The following GRIN3A variants were observed in gnomAD, a reference collection of about 807,000 sequenced individuals.
GRIN3A encodes glutamate ionotropic receptor NMDA type subunit 3A.
In GRIN3A, 47 loss-of-function variants were observed where a neutral mutation model predicts 92.4. The ratio of observed to expected loss-of-function variants is 0.51; its 90% confidence interval spans 0.40 to 0.65. The LOEUF (loss-of-function observed/expected upper bound fraction) is 0.65. Ranked by LOEUF, GRIN3A falls within the 30% of genes least tolerant of loss-of-function variation. The pLI is 0.00. For missense variants in GRIN3A, 1,324 were observed against 1,393.1 expected, an observed-to-expected ratio of 0.95 and a Z score of 0.79; for synonymous variants, 527 against 540.6, an observed-to-expected ratio of 0.97 and a Z score of 0.35.
chr9:101,690,195 G>T (rs1291062327), intron 1 of GRIN3A, among the ~76,000 whole-genome samples: 1 of 151,654 alleles, frequency 6.6e-6, no homozygotes, highest in Non-Finnish European at 1.5e-5. Flanking sequence ...TTATATTATG[G>T]TATATTATTT....
At chr9:101,680,022 G>A (rs1377704681) in intron 2 of GRIN3A, among the ~76,000 whole-genome samples, 10 of 152,208 alleles carry the variant, frequency 6.6e-5, no homozygotes. Flanking sequence ...AATTCTGAAA[G>A]AGCCTGGAAT....
chr9:101,605,764 T>C (rs1214435460), intron 6 of GRIN3A, among the ~76,000 whole-genome samples: 1 of 152,200 alleles, frequency 6.6e-6, no homozygotes, highest in Non-Finnish European at 1.5e-5. Context: ...TTGGACTGTT[T>C]CAAAATATGC....
rs193037310 is a variant in GRIN3A at position 101,607,730 on chromosome 9, T to A, written c.2766+5646A>T. On this transcript the variant is annotated intron_variant, in intron 6 of 8. Transcript: ENST00000361820. ...TGTCTGATTTCAAAGCTAATCCTGG[T>A]TCCCCACACTAACAGAGCCCGGCAG... is the stretch of plus-strand genomic sequence containing the variant. Among the ~76,000 whole-genome samples the A allele has an allele frequency of 6.2e-4, 94 of 152,342 alleles. No individual in the cohort carries two copies. In the East Asian group the frequency reaches 0.017, roughly 28 times the overall value.
At chr9:101,656,897 C>CT (rs979957090) in intron 3 of GRIN3A, among the ~76,000 whole-genome samples, 1 of 151,740 alleles carries the variant, frequency 6.6e-6, no homozygotes, top group African/African-American at 2.4e-5. Flanking sequence ...TGCCAGTTGC[C>CT]TTTTTTTCTG....
At chr9:101,705,310 C>T (rs1191772673) in intron 1 of GRIN3A, among the ~76,000 whole-genome samples, 2 of 152,054 alleles carry the variant, frequency 1.3e-5, no homozygotes, top group Non-Finnish European at 2.9e-5. Flanking sequence ...AGTAGGGCAG[C>T]GCCGCAGAGA....
chr9:101,682,906 A>T (rs377495765), intron 2 of GRIN3A, among the ~76,000 whole-genome samples: 2 of 152,162 alleles, frequency 1.3e-5, no homozygotes, highest in Non-Finnish European at 2.9e-5. Flanking sequence ...GGCGTGAACC[A>T]GGGAGGCGGA....
At chr9:101,619,814 C>A (rs1312393221) in intron 5 of GRIN3A, among the ~76,000 whole-genome samples, 3 of 152,204 alleles carry the variant, frequency 2.0e-5, no homozygotes, top group Non-Finnish European at 4.4e-5. Context: ...CAGCTAACTC[C>A]AATGCACAAA....
intron 6 of GRIN3A, among the ~76,000 whole-genome samples, chr9:101,580,060 G>A (rs1339922450): frequency 1.3e-5 from 2 of 152,152 alleles, no homozygotes; most frequent in Non-Finnish European, 1.5e-5. Context: ...CATGGGCCCA[G>A]GAAGAGGCAT....
intron 3 of GRIN3A, among the ~76,000 whole-genome samples, chr9:101,652,755 G>A (rs576692103): frequency 6.6e-6 from 1 of 152,078 alleles, no homozygotes; most frequent in East Asian, 1.9e-4. Flanking sequence ...TCTTTTATGA[G>A]GCTTGCTTTT....
At chr9:101,707,937 C>T (rs1350135027) in intron 1 of GRIN3A, among the ~76,000 whole-genome samples, 4 of 151,960 alleles carry the variant, frequency 2.6e-5, no homozygotes, top group African/African-American at 7.3e-5. Context: ...AGTTCTTTGG[C>T]GAGGCTTTCC....
intron 3 of GRIN3A, among the ~76,000 whole-genome samples, chr9:101,653,666 T>C (rs1393775621): frequency 1.3e-5 from 2 of 151,900 alleles, no homozygotes; most frequent in African/African-American, 4.8e-5. Context: ...TTTAGAACTT[T>C]AGGCACATAT....
At chr9:101,596,112 C>T (rs1483486460) in intron 6 of GRIN3A, among the ~76,000 whole-genome samples, 2 of 152,194 alleles carry the variant, frequency 1.3e-5, no homozygotes, top group Non-Finnish European at 2.9e-5. Context: ...GATGCAAACA[C>T]TCCTTCGCTT....
In GRIN3A at chr9:101,738,355, T is replaced by G; in HGVS notation, c.-376A>C. The G allele has an allele frequency of 3.5e-6, 1 of 286,978 alleles. No individual in the cohort carries two copies. The highest frequency in any genetic ancestry group is 6.5e-6 in the Non-Finnish European group (1 of 153,072). 17.8% of individuals were successfully genotyped at this position (286,978 alleles called of 1,614,324 possible). A position where few individuals can be genotyped will look rare whatever the true frequency, so the allele number is the denominator to read the frequency against. ...GGCCGGGATGAGAAGCAGCCGGAGT[T>G]CCTCGGGGGCAGCAGTGACAGAGGA... On this transcript the variant is annotated 5_prime_UTR_variant, in exon 1 of 9. Coordinates refer to ENST00000361820, the MANE Select transcript of GRIN3A (RefSeq NM_133445.3).
intron 6 of GRIN3A, among the ~76,000 whole-genome samples, chr9:101,590,840 GTCT>G (rs930115721): frequency 4.7e-4 from 72 of 152,178 alleles, no homozygotes; most frequent in African/African-American, 1.6e-3. Context: ...ATAAAAAATT[GTCT>G]TCATTTAAAA....
chr9:101,622,691 A>G (rs1171972137), intron 5 of GRIN3A, among the ~76,000 whole-genome samples: 2 of 152,148 alleles, frequency 1.3e-5, no homozygotes, highest in Non-Finnish European at 2.9e-5. Flanking sequence ...TACTTATTTA[A>G]GAACCAGGAG....
chr9:101,658,760 G>GTCTGTCTA (rs540493017), intron 3 of GRIN3A, among the ~76,000 whole-genome samples: 1 of 151,336 alleles, frequency 6.6e-6, no homozygotes, highest in African/African-American at 2.4e-5. Flanking sequence ...CTGTCTATCT[G>GTCTGTCTA]TCTATCTATC....
chr9:101,638,893 T>C (rs1828817602), intron 3 of GRIN3A, among the ~76,000 whole-genome samples: 1 of 152,226 alleles, frequency 6.6e-6, no homozygotes, highest in Non-Finnish European at 1.5e-5. Flanking sequence ...TCAGCCATTG[T>C]ACATGTAGCC....
chr9:101,726,011 C>G (rs1830078685), intron 1 of GRIN3A, among the ~76,000 whole-genome samples: 1 of 152,116 alleles, frequency 6.6e-6, no homozygotes, highest in Non-Finnish European at 1.5e-5. Flanking sequence ...TATTTTCTAT[C>G]TTCCCTGCTA....
intron 1 of GRIN3A, among the ~76,000 whole-genome samples, chr9:101,729,877 A>AT (rs1452459731): frequency 3.9e-5 from 6 of 152,022 alleles, no homozygotes; most frequent in South Asian, 2.1e-4. Flanking sequence ...TCCCAACTCA[A>AT]TTTTTTCTAA....
Sources: gnomAD v4.1 joint callset for allele counts (sites outside exome capture counted in the v4.1 genomes callset) on GRCh38, gnomAD v4.1.1 for gene constraint, MANE v1.5 for transcripts, NCBI Gene and HGNC (gene_info 2026-07-23, HGNC 2026-07-21) for gene names.